Variants in LRP2 observed in about 807,000 individuals in gnomAD.
The protein encoded by LRP2 is low-density lipoprotein receptor-related protein 2.
Under a neutral mutation model 531.0 loss-of-function variants are expected in LRP2, and 172 were observed. That is an observed-to-expected ratio of 0.32 (90% CI 0.29 to 0.37). The LOEUF is 0.37. Among genes scored for constraint, LRP2 ranks in the 10% least tolerant of loss-of-function variants. LRP2 has a pLI of 1.00. For synonymous variants in LRP2, 1,992 were observed against 2,027.6 expected, an observed-to-expected ratio of 0.98 and a Z score of 0.47; for missense variants, 5,167 against 5,868.3, an observed-to-expected ratio of 0.88 and a Z score of 3.90.
intron 4 of LRP2, among the ~76,000 whole-genome samples, chr2:169,295,618 G>A (rs967139976): frequency 1.3e-5 from 2 of 152,146 alleles, no homozygotes; most frequent in Non-Finnish European, 2.9e-5. Flanking sequence ...CTGAGATCAA[G>A]GATCCTGTCT....
intron 6 of LRP2, 127 bp from the exon 7 acceptor site, chr2:169,292,496 C>G: frequency 1.4e-6 from 1 of 698,694 alleles, no homozygotes; most frequent in East Asian, 2.6e-5. Flanking sequence ...ATCCCTTAGA[C>G]ATCTTGACAA....
intron 14 of LRP2, among the ~76,000 whole-genome samples, 177 bp from the exon 15 acceptor site, chr2:169,273,244 T>C (rs2105441064): frequency 6.6e-6 from 1 of 151,968 alleles, no homozygotes; most frequent in East Asian, 1.9e-4. Context: ...ACACTAACCC[T>C]CCCAATTTCA....
intron 64 of LRP2, 79 bp downstream of exon 64, chr2:169,157,292 T>G: frequency 7.1e-7 from 1 of 1,399,130 alleles, no homozygotes; most frequent in Non-Finnish European, 1.0e-6. Context: ...AAATAGTGAT[T>G]TATTTAACAA....
At chr2:169,344,098 T>C (rs1227360058) in intron 1 of LRP2, among the ~76,000 whole-genome samples, 2 of 152,150 alleles carry the variant, frequency 1.3e-5, no homozygotes, top group Non-Finnish European at 2.9e-5. Context: ...GGTTTTATAA[T>C]TTTCCAGCTC....
chr2:169,294,827 A>G, intron 4 of LRP2, 117 bp from the exon 5 acceptor site: 1 of 684,370 alleles, frequency 1.5e-6, no homozygotes, highest in South Asian at 1.7e-5. Flanking sequence ...AAATGCATAT[A>G]TTGATACACA....
At chr2:169,186,507 G>A (rs1574109639) in intron 49 of LRP2, among the ~76,000 whole-genome samples, 1 of 152,172 alleles carries the variant, frequency 6.6e-6, no homozygotes, top group African/African-American at 2.4e-5. Flanking sequence ...TAACACATGG[G>A]CAACCTCACC....
chr2:169,239,388 G>A (rs1689723272), intron 26 of LRP2, 139 bp downstream of exon 26: 9 of 1,448,502 alleles, frequency 6.2e-6, no homozygotes, highest in Non-Finnish European at 8.5e-6. Context: ...AAAAATTGAG[G>A]TTTAAAGAGA....
chr2:169,171,765 A>G (rs1007386433), intron 58 of LRP2, among the ~76,000 whole-genome samples: 1 of 152,244 alleles, frequency 6.6e-6, no homozygotes, highest in Non-Finnish European at 1.5e-5. Flanking sequence ...AATAAATTCA[A>G]CACATAAAAG....
At chr2:169,323,720 T>C (rs1042626997) in intron 1 of LRP2, among the ~76,000 whole-genome samples, 1 of 152,080 alleles carries the variant, frequency 6.6e-6, no homozygotes, top group Non-Finnish European at 1.5e-5. Context: ...CTTTAAAACT[T>C]TGTTCAGAAA....
intron 1 of LRP2, among the ~76,000 whole-genome samples, chr2:169,352,038 C>A (rs1455751435): frequency 6.6e-6 from 1 of 152,188 alleles, no homozygotes; most frequent in Non-Finnish European, 1.5e-5. Flanking sequence ...AGGAAATGAG[C>A]CATGAAGTTT....
At chr2:169,202,167 T>C (rs769678631) in intron 43 of LRP2, among the ~76,000 whole-genome samples, 1 of 152,168 alleles carries the variant, frequency 6.6e-6, no homozygotes, top group Non-Finnish European at 1.5e-5. Flanking sequence ...CATGCAATTA[T>C]AGTTTATTTC....
Position 169,138,693 on chromosome 2 carries a change from C to A in LRP2, c.13402G>T (p.Val4468Phe). The A allele has an allele frequency of 1.9e-6, 3 of 1,613,884 alleles. No homozygotes were observed. Among genetic ancestry groups the A allele is most frequent in the Non-Finnish European group, 2.5e-6 (3 of 1,179,842 alleles). Reference protein sequence around the residue: ...LPKLPSLSSLVKPSENGNGVT... With the variant: ...LPKLPSLSSLFKPSENGNGVT... ...CCATTCCCATTTTCAGAGGGCTTGA[C>A]GAGACTGCTTAAGCTGGAAAGAAGT... The change falls in exon 75 of 79, where the codon GTC becomes TTC. Residue 4468 changes from valine to phenylalanine, a missense_variant. Transcript: ENST00000649046.
At chr2:169,199,082 A>G (rs915916528) in intron 44 of LRP2, among the ~76,000 whole-genome samples, 171 bp from the exon 45 acceptor site, 2 of 152,244 alleles carry the variant, frequency 1.3e-5, no homozygotes, top group African/African-American at 4.8e-5. Flanking sequence ...TAGATTCTGT[A>G]GTAAAAAAAC....
chr2:169,274,534 C>A (rs575055948), intron 14 of LRP2, among the ~76,000 whole-genome samples: 2 of 152,202 alleles, frequency 1.3e-5, no homozygotes, highest in Admixed American at 6.5e-5. Flanking sequence ...ACACCAAACC[C>A]AGTTGGCCTA....
At chr2:169,347,838 T>A (rs573206531) in intron 1 of LRP2, among the ~76,000 whole-genome samples, 1 of 152,278 alleles carries the variant, frequency 6.6e-6, no homozygotes, top group East Asian at 1.9e-4. Context: ...AATGAATGAA[T>A]GAATGAACTG....
intron 3 of LRP2, among the ~76,000 whole-genome samples, chr2:169,313,059 C>T (rs1320978806): frequency 6.6e-6 from 1 of 152,168 alleles, no homozygotes; most frequent in Non-Finnish European, 1.5e-5. Flanking sequence ...TCCATCAGGT[C>T]ATTTAAGGTC....
At chr2:169,280,861 C>T (rs1683685490) in intron 10 of LRP2, among the ~76,000 whole-genome samples, 2 of 152,134 alleles carry the variant, frequency 1.3e-5, no homozygotes, top group South Asian at 4.1e-4. Flanking sequence ...GGTATGGGCA[C>T]CTTAGCCCCA....
At chr2:169,139,402 A>G (rs1183809960) in intron 73 of LRP2, 31 bp from the exon 74 acceptor site, 1 of 1,614,066 alleles carries the variant, frequency 6.2e-7, no homozygotes, top group African/African-American at 1.3e-5. Flanking sequence ...GAGCACATCA[A>G]CACATGGGAG....
intron 50 of LRP2, among the ~76,000 whole-genome samples, chr2:169,182,975 T>C (rs1687496278): frequency 6.6e-6 from 1 of 152,208 alleles, no homozygotes; most frequent in African/African-American, 2.4e-5. Flanking sequence ...TCTTATAAGG[T>C]AAGTGTTCTT....
Sources: gnomAD v4.1 joint callset for allele counts (sites outside exome capture counted in the v4.1 genomes callset) on GRCh38, gnomAD v4.1.1 for gene constraint, MANE v1.5 for transcripts, NCBI Gene and HGNC (gene_info 2026-07-23, HGNC 2026-07-21) for gene names.